The following DOP1A variants were observed in gnomAD, a reference collection of about 807,000 sequenced individuals.
DOP1A encodes protein DOP1A.
A neutral mutation model predicts 267.6 loss-of-function variants in DOP1A; 90 were observed. That is an observed-to-expected ratio of 0.34 (90% CI 0.28 to 0.40). The LOEUF (loss-of-function observed/expected upper bound fraction) is 0.40. Among genes scored for constraint, DOP1A ranks in the 10% least tolerant of loss-of-function variants. The probability of loss-of-function intolerance (pLI) is 1.00; values close to 1 mark genes in which losing one functional copy is unlikely to be tolerated. For missense variants in DOP1A, 2,437 were observed against 2,900.4 expected (o/e 0.84, Z 3.67); for synonymous variants, 932 against 999.1 (o/e 0.93, Z 1.27).
At chr6:83,169,246 T>C (rs1583239443), downstream of DOP1A, 4 of 1,614,082 alleles carry the variant, frequency 2.5e-6, no homozygotes, top group Non-Finnish European at 3.4e-6. Context: ...AGAAACCTGG[T>C]TGGGGCCTTT....
At chr6:83,156,192 A>G in intron 34 of DOP1A, 89 bp downstream of exon 34, 1 of 1,064,514 alleles carries the variant, frequency 9.4e-7, no homozygotes, top group Non-Finnish European at 1.3e-6. Context: ...GTTGGGGTAA[A>G]ATATATCAAG....
chr6:83,113,571 A>G, intron 7 of DOP1A, 150 bp downstream of exon 7: 1 of 583,786 alleles, frequency 1.7e-6, no homozygotes. Flanking sequence ...AAGGAGTGGA[A>G]TTTGTTGTGA....
intron 3 of DOP1A, among the ~76,000 whole-genome samples, chr6:83,099,706 GTGTA>G (rs1207729564): frequency 1.3e-5 from 1 of 79,548 alleles, no homozygotes; most frequent in Non-Finnish European, 2.6e-5. Context: ...GTGTGTGTGT[GTGTA>G]TATACATATA....
rs369115463 is a variant in DOP1A at position 83,132,364 on chromosome 6, G to A, written c.2769+36G>A. ...TTATCTTGTGCACACCGCCCCCTCC[G>A]CCACACACACACACACACACAAATA... On this transcript the variant is annotated intron_variant, in intron 18 of 38. Transcript: ENST00000349129. 78 of 1,556,038 alleles carry A rather than the reference G, an allele frequency of 5.0e-5. No individual in the cohort carries two copies. In the East Asian group the frequency reaches 7.8e-4, roughly 16 times the overall value.
downstream of DOP1A, chr6:83,169,567 A>T (rs1786640877): frequency 3.9e-6 from 2 of 515,966 alleles, no homozygotes; most frequent in Admixed American, 3.1e-5. Flanking sequence ...TTATAAAAAT[A>T]GCTATCATTC....
chr6:83,160,751 A>G (rs1197138003), intron 37 of DOP1A, among the ~76,000 whole-genome samples: 2 of 152,338 alleles, frequency 1.3e-5, no homozygotes, highest in Non-Finnish European at 2.9e-5. Context: ...ATTTATCCAC[A>G]AGATCAAATA....
chr6:83,088,749 G>C (rs1184324816), intron 1 of DOP1A, among the ~76,000 whole-genome samples: 1 of 152,136 alleles, frequency 6.6e-6, no homozygotes, highest in African/African-American at 2.4e-5. Context: ...CTCAAGGGAA[G>C]TTTCCAGCTT....
chr6:83,118,812 AG>A, intron 7 of DOP1A, 75 bp from the exon 8 acceptor site: 1 of 1,255,766 alleles, frequency 8.0e-7, no homozygotes, highest in Non-Finnish European at 1.1e-6. Context: ...AGCATATTTC[AG>A]GGCATTTTTT....
intron 1 of DOP1A, among the ~76,000 whole-genome samples, chr6:83,077,076 A>G (rs1166815724): frequency 6.6e-6 from 1 of 152,252 alleles, no homozygotes; most frequent in African/African-American, 2.4e-5. Flanking sequence ...AGTCAAATTC[A>G]TAAAAGCAGA....
chr6:83,087,350 C>T (rs913355248), intron 1 of DOP1A, among the ~76,000 whole-genome samples: 5 of 152,094 alleles, frequency 3.3e-5, no homozygotes, highest in African/African-American at 1.2e-4. Flanking sequence ...GTTTGTGCTT[C>T]TCAATTTAAG....
intron 15 of DOP1A, among the ~76,000 whole-genome samples, chr6:83,128,428 G>C (rs778780610): frequency 6.6e-5 from 10 of 152,136 alleles, no homozygotes; most frequent in Non-Finnish European, 1.2e-4. Context: ...TTCACTGAAA[G>C]AAAGTAAGAT....
At chr6:83,128,282 C>T (rs1225164124) in intron 15 of DOP1A, among the ~76,000 whole-genome samples, 3 of 152,154 alleles carry the variant, frequency 2.0e-5, no homozygotes, top group East Asian at 1.9e-4. Flanking sequence ...GGCTAATATA[C>T]TCCAGTTCTA....
chr6:83,166,619 T>C (rs903131762), intron 38 of DOP1A: 2 of 768,232 alleles, frequency 2.6e-6, no homozygotes, highest in African/African-American at 3.6e-5. Context: ...TATTTAAGAA[T>C]GTACTCCAAT....
chr6:83,153,780 T>C, intron 31 of DOP1A, 114 bp from the exon 32 acceptor site: 2 of 1,253,708 alleles, frequency 1.6e-6, no homozygotes, highest in Non-Finnish European at 2.2e-6. Flanking sequence ...TTATGGTGCT[T>C]TCTATTTCAT....
rs139463909 is a variant in DOP1A, at chr6:83,071,543, C to T, written c.-147+3764C>T. On this transcript the variant is annotated intron_variant, in intron 1 of 38. Transcript: ENST00000349129. ...TAATTCAGTGTCACTTAGCTCTGCC[C>T]TCGGATCTTATAAAATCATCCCACG... Among the ~76,000 whole-genome samples, 417 of 152,168 alleles carry T rather than the reference C, an allele frequency of 2.7e-3. 1 individual carries two copies. The highest frequency in any genetic ancestry group is 0.013 in the South Asian group (62 of 4,826).
intron 30 of DOP1A, 68 bp downstream of exon 30, chr6:83,152,435 T>G (rs1182687003): frequency 3.0e-6 from 2 of 659,168 alleles, no homozygotes; most frequent in Non-Finnish European, 4.8e-6. Context: ...TAGCAAGTAA[T>G]TTTTATAGAG....
At chr6:83,109,960 C>A (rs1025974996) in intron 5 of DOP1A, among the ~76,000 whole-genome samples, 165 bp from the exon 6 acceptor site, 2 of 152,174 alleles carry the variant, frequency 1.3e-5, no homozygotes, top group African/African-American at 4.8e-5. Context: ...ATTCAGTCCT[C>A]TGACTCTAAA....
intron 25 of DOP1A, among the ~76,000 whole-genome samples, chr6:83,146,057 C>A (rs1173855948): frequency 6.6e-6 from 1 of 152,140 alleles, no homozygotes; most frequent in East Asian, 1.9e-4. Flanking sequence ...TCTGTGAACT[C>A]CCCAAATTTT....
Position 83,152,285 on chromosome 6 carries a change from T to C in DOP1A, c.6050-3T>C. ...CATATCTTTAATTTTCTCTTATTTA[T>C]AGATATGTTATCACCTGCAATGGAA... On this transcript the variant is annotated splice_polypyrimidine_tract_variant and splice_region_variant and intron_variant, in intron 29 of 38. Coordinates refer to ENST00000349129, the MANE Select transcript of DOP1A (RefSeq NM_015018.4). 6 of 1,536,906 alleles carry C rather than the reference T, an allele frequency of 3.9e-6. No individual in the cohort carries two copies. Among genetic ancestry groups the C allele is most frequent in the Non-Finnish European group, 5.3e-6 (6 of 1,132,906 alleles).
Sources: gnomAD v4.1 joint callset for allele counts (sites outside exome capture counted in the v4.1 genomes callset) on GRCh38, gnomAD v4.1.1 for gene constraint, MANE v1.5 for transcripts, NCBI Gene and HGNC (gene_info 2026-07-23, HGNC 2026-07-21) for gene names.